Variants in TMIE observed in about 807,000 individuals in gnomAD.
TMIE encodes the protein transmembrane inner ear.
TMIE carries 14 observed loss-of-function variants against 16.8 expected under a neutral mutation model. The observed-to-expected ratio is 0.83, with a 90% confidence interval of 0.55 to 1.30. The LOEUF (loss-of-function observed/expected upper bound fraction) is 1.30, where lower values mean the gene tolerates loss of function less well. TMIE is among the 50% of genes most tolerant of loss of function. The pLI is 0.00. For missense variants in TMIE, 204 were observed against 205.9 expected, an observed-to-expected ratio of 0.99 and a Z score of 0.06; for synonymous variants, 75 against 87.2, an observed-to-expected ratio of 0.86 and a Z score of 0.78.
upstream of TMIE, chr3:46,701,292 A>C: frequency 5.0e-6 from 2 of 398,436 alleles, no homozygotes; most frequent in Non-Finnish European, 9.0e-6. This position sits in a 1 kb window ranked among gnomAD's most constrained non-coding sequence, Gnocchi z 4.3. Context: ...ATCTCCCGGG[A>C]AGGAGGGGGC....
At chr3:46,694,259 C>G (rs72899363), upstream of TMIE, among the ~76,000 whole-genome samples, 1,176 of 152,340 alleles carry the variant, frequency 7.7e-3, 14 homozygotes, top group African/African-American at 0.027. Context: ...CTCCCCACTC[C>G]TGAGTCTCAA....
intron 1 of TMIE, among the ~76,000 whole-genome samples, chr3:46,702,629 G>T (rs1700490894): frequency 6.6e-6 from 1 of 152,152 alleles, no homozygotes; most frequent in Admixed American, 6.5e-5. Flanking sequence ...AGGTGCCCAG[G>T]GAAGTCCTGA....
chr3:46,694,920 C>G (rs1384402588), intron 1 of TMIE, among the ~76,000 whole-genome samples: 1 of 152,198 alleles, frequency 6.6e-6, no homozygotes, highest in Non-Finnish European at 1.5e-5. Flanking sequence ...CTTCTGCACC[C>G]CCTGCTGCCT....
upstream of TMIE, chr3:46,701,172 A>G: frequency 3.3e-6 from 1 of 298,648 alleles, no homozygotes; most frequent in Non-Finnish European, 6.1e-6. This position sits in a 1 kb window ranked among gnomAD's most constrained non-coding sequence, Gnocchi z 4.3. Flanking sequence ...AGGGAGGGGG[A>G]CCTGTTGATT....
intron 1 of TMIE, among the ~76,000 whole-genome samples, chr3:46,703,848 G>A (rs377372527): frequency 3.0e-4 from 45 of 152,206 alleles, no homozygotes; most frequent in African/African-American, 1.1e-3. Flanking sequence ...CTGGATGGTC[G>A]AACTACAGGT....
chr3:46,701,339 G>C (rs1263492809), upstream of TMIE: 1 of 582,212 alleles, frequency 1.7e-6, no homozygotes, highest in Non-Finnish European at 2.8e-6. This position sits in a 1 kb window ranked among gnomAD's most constrained non-coding sequence, Gnocchi z 4.3. Context: ...GGCGGGCGGC[G>C]CGGGAACCTG....
chr3:46,709,840 G>A lies in TMIE; in HGVS notation c.*152G>A. 1 of 1,492,114 alleles carries A rather than the reference G, an allele frequency of 6.7e-7. No homozygotes were observed. The highest frequency in any genetic ancestry group is 9.1e-7 in the Non-Finnish European group (1 of 1,100,514). The allele number at this position is 1,492,114 out of a possible 1,614,324, so 92.4% of individuals were successfully genotyped here. ...ATGGCCACATCCTCATGGCCCATCA[G>A]GGGCAGGAACCAGACAATCTCGTAG... is the stretch of plus-strand genomic sequence containing the variant. On this transcript the variant is annotated 3_prime_UTR_variant, in exon 4 of 4. Transcript: ENST00000643606.
At chr3:46,693,984 T>C (rs1700331800), upstream of TMIE, among the ~76,000 whole-genome samples, 2 of 151,772 alleles carry the variant, frequency 1.3e-5, no homozygotes, top group South Asian at 4.2e-4. Context: ...CAGGCTCGCC[T>C]CTCGCGCCCC....
chr3:46,701,031 GC>G (rs34094160), upstream of TMIE, among the ~76,000 whole-genome samples: 1,295 of 146,250 alleles, frequency 8.9e-3, 19 homozygotes, highest in African/African-American at 0.028. This position sits in a 1 kb window ranked among gnomAD's most constrained non-coding sequence, Gnocchi z 4.3. Flanking sequence ...TGCCCGCTCT[GC>G]CCCCCCCCCA....
chr3:46,698,282 G>A (rs1340605308), upstream of TMIE, among the ~76,000 whole-genome samples: 1 of 152,136 alleles, frequency 6.6e-6, no homozygotes, highest in African/African-American at 2.4e-5. Context: ...CTGACCTCAT[G>A]ATCCGCCCAC....
chr3:46,702,656 G>T (rs537597798), intron 1 of TMIE, among the ~76,000 whole-genome samples: 1 of 152,200 alleles, frequency 6.6e-6, no homozygotes, highest in African/African-American at 2.4e-5. Context: ...GGGGCTTGGG[G>T]ACAGTGTGGG....
chr3:46,709,785 G>C lies in TMIE; in HGVS notation c.*97G>C, dbSNP rs1700598464. The stretch of plus-strand genomic sequence containing the variant: ...TCTGAGCTCATTTGGGGACCACAGA[G>C]GCTGTGGTCAGAGAGGGAAGCTGAG... On this transcript the variant is annotated 3_prime_UTR_variant, in exon 4 of 4. Coordinates refer to ENST00000643606, the MANE Select transcript of TMIE (RefSeq NM_147196.3). 3.1e-6 allele frequency: 5 copies of C among 1,587,578 alleles called. No homozygotes were observed. The South Asian group carries it at 5.7e-5, about 18-fold the overall frequency.
At chr3:46,702,076 C>T (rs1446391920) in intron 1 of TMIE, among the ~76,000 whole-genome samples, 1 of 152,072 alleles carries the variant, frequency 6.6e-6, no homozygotes. Context: ...GGAGACATAG[C>T]CTTAAGATGG....
chr3:46,695,607 C>G (rs1224793504), intron 1 of TMIE, among the ~76,000 whole-genome samples: 1 of 152,180 alleles, frequency 6.6e-6, no homozygotes, highest in African/African-American at 2.4e-5. Context: ...CATATGGCCT[C>G]ACCACTTGTG....
At chr3:46,696,844 G>C (rs1454236331), upstream of TMIE, among the ~76,000 whole-genome samples, 1 of 152,182 alleles carries the variant, frequency 6.6e-6, no homozygotes, top group South Asian at 2.1e-4. Flanking sequence ...ATGTATGGAG[G>C]GGACACTGTC....
rs1700598629 is a variant in TMIE, at chr3:46,709,802, G to T, written c.*114G>T. 6.4e-7 allele frequency: 1 copy of T among 1,573,208 alleles called. No homozygotes were observed. Among genetic ancestry groups the T allele is most frequent in the African/African-American group, 1.3e-5 (1 of 74,312 alleles). Reference sequence around the variant, plus strand: ...ACCACAGAGGCTGTGGTCAGAGAGGGAAGCTGAGGCCCATGGCCACATCCT... The same window carrying T: ...ACCACAGAGGCTGTGGTCAGAGAGGTAAGCTGAGGCCCATGGCCACATCCT... On this transcript the variant is annotated 3_prime_UTR_variant, in exon 4 of 4. Coordinates refer to ENST00000643606, the MANE Select transcript of TMIE (RefSeq NM_147196.3).
At chr3:46,698,065 C>T (rs868602339), upstream of TMIE, among the ~76,000 whole-genome samples, 96 of 151,874 alleles carry the variant, frequency 6.3e-4, no homozygotes, top group African/African-American at 2.2e-3. Flanking sequence ...TGTTTTGTTT[C>T]TTTTTTTTGA....
upstream of TMIE, among the ~76,000 whole-genome samples, chr3:46,693,881 G>A (rs1265740833): frequency 6.6e-6 from 1 of 151,966 alleles, no homozygotes; most frequent in Admixed American, 6.5e-5. Flanking sequence ...TCCCTCTGGC[G>A]TCCCCCGGGA....
upstream of TMIE, among the ~76,000 whole-genome samples, chr3:46,701,126 TTGTCC>T (rs1700467543): frequency 1.0e-4 from 15 of 149,202 alleles, no homozygotes; most frequent in African/African-American, 3.2e-4. The surrounding 1 kb of genome is among the most constrained non-coding windows in gnomAD (Gnocchi z 4.3). Context: ...TCCCACCCCC[TTGTCC>T]CAGATGGAGA....
Sources: gnomAD v4.1 joint callset for allele counts (sites outside exome capture counted in the v4.1 genomes callset) on GRCh38, gnomAD v4.1.1 for gene constraint, Gnocchi (gnomAD v3.1) non-coding constraint, MANE v1.5 for transcripts, NCBI Gene and HGNC (gene_info 2026-07-23, HGNC 2026-07-21) for gene names.